Variants in KIF4A observed in about 807,000 individuals in gnomAD.
KIF4A encodes chromosome-associated kinesin KIF4A.
In KIF4A, 7 loss-of-function variants were observed where a neutral mutation model predicts 105.9. The observed-to-expected ratio is 0.07, with a 90% CI of 0.04 to 0.12. The LOEUF (loss-of-function observed/expected upper bound fraction) is 0.12, where lower values mean the gene tolerates loss of function less well. Ranked by LOEUF, KIF4A falls within the 10% of genes least tolerant of loss-of-function variation. The probability of loss-of-function intolerance (pLI) is 1.00; values close to 1 mark genes in which losing one functional copy is unlikely to be tolerated. For missense variants in KIF4A, 558 were observed against 929.2 expected (o/e 0.60, Z 5.19); for synonymous variants, 281 against 331.3 (o/e 0.85, Z 1.65).
intron 15 of KIF4A, among the ~76,000 whole-genome samples, chrX:70,372,709 C>T (rs1305316370): frequency 1.8e-5 from 2 of 112,281 alleles, no homozygotes; most frequent in African/African-American, 3.2e-5. Flanking sequence ...GGCTAGACTT[C>T]GTTTTCCAAA....
intron 18 of KIF4A, among the ~76,000 whole-genome samples, chrX:70,380,692 A>AAAAAT (rs1569247351): frequency 1.8e-5 from 2 of 112,242 alleles, no homozygotes; most frequent in Non-Finnish European, 3.7e-5. Flanking sequence ...TTTAGGGAAG[A>AAAAAT]AAAATATATA....
chrX:70,347,639 G>A (rs1187221031), intron 13 of KIF4A, among the ~76,000 whole-genome samples: 3 of 111,163 alleles, frequency 2.7e-5, no homozygotes, highest in African/African-American at 9.8e-5. Context: ...AACATGGGAG[G>A]GAGGAAAGGG....
At chrX:70,308,914 A>T (rs1039662193) in intron 7 of KIF4A, among the ~76,000 whole-genome samples, 7 of 112,369 alleles carry the variant, frequency 6.2e-5, no homozygotes, top group Non-Finnish European at 1.9e-5. Flanking sequence ...CAGGCCTGAG[A>T]TCTTTTTTGT....
chrX:70,357,552 C>T (rs2086056971), intron 15 of KIF4A, among the ~76,000 whole-genome samples: 1 of 111,777 alleles, frequency 8.9e-6, no homozygotes, highest in Admixed American at 9.5e-5. Context: ...TTAGTATACC[C>T]CTTTGCTTTG....
intron 15 of KIF4A, among the ~76,000 whole-genome samples, chrX:70,373,090 G>A (rs982228681): frequency 3.7e-5 from 4 of 109,160 alleles, no homozygotes; most frequent in African/African-American, 1.3e-4. Context: ...TGGGCAACAT[G>A]GCGAAACCCC....
chrX:70,292,454 T>G (rs2085764852), intron 3 of KIF4A, among the ~76,000 whole-genome samples: 1 of 112,513 alleles, frequency 8.9e-6, no homozygotes, highest in Admixed American at 9.4e-5. Context: ...TGGCATTTAC[T>G]TATGATTAGA....
chrX:70,364,835 T>C (rs2086093976), intron 15 of KIF4A, among the ~76,000 whole-genome samples: 1 of 111,888 alleles, frequency 8.9e-6, no homozygotes, highest in Non-Finnish European at 1.9e-5. Flanking sequence ...CCTTGGGCAG[T>C]ATGGCCATTT....
intron 18 of KIF4A, 76 bp downstream of exon 18, chrX:70,376,286 T>C: frequency 1.8e-6 from 1 of 545,298 alleles, no homozygotes; most frequent in Non-Finnish European, 3.1e-6. Context: ...AATGCTTCTC[T>C]TCAAACACCT....
At chrX:70,393,411 G>A (rs1025198192) in intron 20 of KIF4A, among the ~76,000 whole-genome samples, 1 of 111,451 alleles carries the variant, frequency 9.0e-6, no homozygotes, top group Admixed American at 9.6e-5. Flanking sequence ...TTCTGCTGTT[G>A]TTGGATGGAG....
chrX:70,322,643 G>A (rs138562488), intron 7 of KIF4A, among the ~76,000 whole-genome samples: 1,765 of 107,326 alleles, frequency 0.016, 35 homozygotes, highest in African/African-American at 0.056. Context: ...CTCCATCACC[G>A]GCAGTGAATA....
intron 10 of KIF4A, among the ~76,000 whole-genome samples, chrX:70,340,510 T>G (rs754636957): frequency 1.8e-5 from 2 of 112,221 alleles, no homozygotes; most frequent in East Asian, 5.5e-4. Flanking sequence ...TCAGCTTACA[T>G]GAATGACACA....
At chrX:70,360,625 C>G (rs1253869839) in intron 15 of KIF4A, among the ~76,000 whole-genome samples, 2 of 113,146 alleles carry the variant, frequency 1.8e-5, no homozygotes, top group African/African-American at 3.2e-5. Flanking sequence ...ACACCTCAGG[C>G]CTGGTCATTA....
At chrX:70,381,056 C>T (rs141553648) in intron 18 of KIF4A, among the ~76,000 whole-genome samples, 1,840 of 110,479 alleles carry the variant, frequency 0.017, 37 homozygotes, top group African/African-American at 0.057. Flanking sequence ...GGCTGAGGCA[C>T]GAGAATCATT....
At chrX:70,371,661 C>CCCCA (rs2086134671) in intron 15 of KIF4A, among the ~76,000 whole-genome samples, 6 of 105,848 alleles carry the variant, frequency 5.7e-5, no homozygotes, top group African/African-American at 1.8e-4. Context: ...GGGCTGACCC[C>CCCCA]CCTACCTCCC....
At chrX:70,398,517 C>T (rs1259609404) in intron 22 of KIF4A, among the ~76,000 whole-genome samples, 3 of 111,817 alleles carry the variant, frequency 2.7e-5, no homozygotes, top group East Asian at 2.8e-4. Flanking sequence ...ATAAGGGACA[C>T]GAATTGTCAG....
intron 15 of KIF4A, among the ~76,000 whole-genome samples, chrX:70,357,908 G>T (rs5980917): frequency 0.016 from 1,809 of 110,364 alleles, 37 homozygotes; most frequent in African/African-American, 0.056. Context: ...TGTTGTTGTT[G>T]TTATTATTGT....
intron 13 of KIF4A, 113 bp downstream of exon 13, chrX:70,344,095 G>A (rs761146604): frequency 1.8e-4 from 93 of 527,666 alleles, no homozygotes; most frequent in Non-Finnish European, 2.7e-4. Flanking sequence ...ATTGTGAGCC[G>A]CTTTTGGACA....
chrX:70,360,637 C>T (rs2086071512), intron 15 of KIF4A, among the ~76,000 whole-genome samples: 1 of 113,158 alleles, frequency 8.8e-6, no homozygotes, highest in African/African-American at 3.2e-5. Context: ...TGGTCATTAT[C>T]TGAACTTTGG....
chrX:70,366,433 A>G (rs761202765), intron 15 of KIF4A, among the ~76,000 whole-genome samples: 195 of 111,386 alleles, frequency 1.8e-3, no homozygotes, highest in Middle Eastern at 9.2e-3. Context: ...GTGTCCCAGA[A>G]ATTCTGGTAT....
Sources: allele counts gnomAD v4.1 joint callset (sites outside exome capture counted in the v4.1 genomes callset), GRCh38; gene constraint gnomAD v4.1.1; transcripts MANE v1.5; gene names NCBI Gene and HGNC (gene_info 2026-07-23, HGNC 2026-07-21).